SGCD: variants seen among roughly 807,000 people sequenced by gnomAD.
The protein encoded by SGCD is sarcoglycan delta, also known as delta-sarcoglycan.
SGCD carries 18 observed loss-of-function variants against 36.6 expected under a neutral mutation model. That is an observed-to-expected ratio of 0.49 (90% CI 0.34 to 0.73). The LOEUF (loss-of-function observed/expected upper bound fraction) is 0.73, where lower values mean the gene tolerates loss of function less well. Ranked by LOEUF, SGCD falls within the 30% of genes least tolerant of loss-of-function variation. The pLI is 0.01. For missense variants in SGCD, 387 were observed against 346.7 expected, an observed-to-expected ratio of 1.12 and a Z score of -0.92; for synonymous variants, 133 against 130.6, an observed-to-expected ratio of 1.02 and a Z score of -0.12.
chr5:155,834,009 TG>T, the SGCD span, among the ~76,000 whole-genome samples: 1 of 152,242 alleles, frequency 6.6e-6, no homozygotes, highest in African/African-American at 2.4e-5. Context: ...GCTCATGGTG[TG>T]GCTATGGCCC....
intron 7 of SGCD, among the ~76,000 whole-genome samples, chr5:156,695,694 T>C (rs1054546985): frequency 1.4e-4 from 22 of 152,316 alleles, no homozygotes; most frequent in African/African-American, 5.3e-4. Context: ...CAAATTTCTG[T>C]AAACAGCAAG....
At chr5:156,758,179 G>A in intron 8 of SGCD, 1 of 166,358 alleles carries the variant, frequency 6.0e-6, no homozygotes, top group Non-Finnish European at 1.2e-5. Flanking sequence ...AGACTAGGCA[G>A]CAAGGGAATG....
the SGCD span, among the ~76,000 whole-genome samples, chr5:155,825,724 A>AT: frequency 3.7e-5 from 1 of 27,196 alleles, no homozygotes; most frequent in East Asian, 2.3e-3. Context: ...TGACTTTATT[A>AT]TTTGTTTTTT....
upstream of SGCD, among the ~76,000 whole-genome samples, chr5:155,869,132 A>G (rs1651566413): frequency 6.6e-6 from 1 of 152,170 alleles, no homozygotes; most frequent in South Asian, 2.1e-4. Flanking sequence ...TTATTCCATC[A>G]TATACTTTCA....
intron 3 of SGCD, among the ~76,000 whole-genome samples, chr5:156,496,966 G>A (rs1359809979): frequency 6.6e-6 from 1 of 152,130 alleles, no homozygotes; most frequent in Non-Finnish European, 1.5e-5. Flanking sequence ...TGACTGAGCA[G>A]CATGGATTGT....
the SGCD span, among the ~76,000 whole-genome samples, chr5:155,808,564 G>A: frequency 6.6e-6 from 1 of 152,148 alleles, no homozygotes; most frequent in Non-Finnish European, 1.5e-5. Context: ...AGATTGGATG[G>A]CATTGGGCAA....
chr5:156,465,186 C>T lies in SGCD; in HGVS notation c.193-43415C>T, dbSNP rs1754667815. ...TCTAGGATTCCCTCCAGGAAACCTC[C>T]TACCTACCTGTTACAGGTAAGGACC... is the stretch of plus-strand genomic sequence containing the variant. On this transcript the variant is annotated intron_variant, in intron 3 of 8. Coordinates refer to ENST00000337851, the MANE Select transcript of SGCD (RefSeq NM_000337.6). 3.3e-5 allele frequency among the ~76,000 whole-genome samples: 5 copies of T among 152,070 alleles called. No individual in the cohort carries two copies. In the South Asian group the frequency reaches 1.0e-3, roughly 32 times the overall value.
chr5:155,942,295 CATGT>C (rs561919666), intron 1 of SGCD, among the ~76,000 whole-genome samples: 3,636 of 146,948 alleles, frequency 0.025, 50 homozygotes, highest in African/African-American at 0.033. Context: ...TGTATGTACG[CATGT>C]ATGTATGTAT....
At chr5:155,987,198 A>G (rs941452230) in intron 1 of SGCD, among the ~76,000 whole-genome samples, 1 of 152,280 alleles carries the variant, frequency 6.6e-6, no homozygotes, top group South Asian at 2.1e-4. Flanking sequence ...GCATTAATTA[A>G]TACACTTTTT....
chr5:156,413,906 G>A (rs1772897981), intron 3 of SGCD, among the ~76,000 whole-genome samples: 1 of 152,070 alleles, frequency 6.6e-6, no homozygotes, highest in African/African-American at 2.4e-5. Context: ...TGGAGATGGA[G>A]GACACAGTAC....
chr5:155,819,065 G>T, the SGCD span, among the ~76,000 whole-genome samples: 6 of 152,240 alleles, frequency 3.9e-5, 1 homozygote, highest in East Asian at 1.2e-3. Flanking sequence ...TATAGTCACA[G>T]CATACTGGGT....
intron 1 of SGCD, among the ~76,000 whole-genome samples, chr5:155,978,232 A>T (rs1758159892): frequency 6.6e-6 from 1 of 152,218 alleles, no homozygotes; most frequent in African/African-American, 2.4e-5. Flanking sequence ...TTGTTCCAAA[A>T]TTTTATTTTA....
At chr5:156,194,625 T>G (rs1275690974) in intron 3 of SGCD, among the ~76,000 whole-genome samples, 1 of 152,040 alleles carries the variant, frequency 6.6e-6, no homozygotes, top group Admixed American at 6.6e-5. Flanking sequence ...GAATTTGAAT[T>G]GATTAATATA....
chr5:156,694,263 A>G (rs1419929944), intron 7 of SGCD, among the ~76,000 whole-genome samples: 1 of 152,186 alleles, frequency 6.6e-6, no homozygotes, highest in Non-Finnish European at 1.5e-5. Flanking sequence ...TGACTCCTGG[A>G]TCTGGGAGTT....
chr5:156,383,364 C>T (rs1276561686), intron 3 of SGCD, among the ~76,000 whole-genome samples: 3 of 151,958 alleles, frequency 2.0e-5, no homozygotes, highest in Admixed American at 6.6e-5. Context: ...ATTACCCGGG[C>T]GTGCAGCATG....
intron 1 of SGCD, among the ~76,000 whole-genome samples, chr5:156,111,980 A>G (rs1176700561): frequency 1.3e-5 from 2 of 152,120 alleles, no homozygotes; most frequent in South Asian, 2.1e-4. Flanking sequence ...GGGTTTCACC[A>G]TGTTAGCCAG....
At chr5:156,267,219 T>A (rs1766024662) in intron 3 of SGCD, among the ~76,000 whole-genome samples, 1 of 152,224 alleles carries the variant, frequency 6.6e-6, no homozygotes, top group Admixed American at 6.5e-5. Context: ...TAGTTTCCAC[T>A]GTGTCACATT....
intron 1 of SGCD, among the ~76,000 whole-genome samples, chr5:155,947,565 G>T (rs1561659621): frequency 1.3e-5 from 2 of 152,044 alleles, no homozygotes; most frequent in Non-Finnish European, 2.9e-5. Flanking sequence ...TCTCGAGCAG[G>T]TTACTTGACT....
intron 3 of SGCD, among the ~76,000 whole-genome samples, chr5:156,405,790 C>T (rs1334292300): frequency 6.6e-6 from 1 of 152,098 alleles, no homozygotes; most frequent in Non-Finnish European, 1.5e-5. Flanking sequence ...TCTTGCCTCC[C>T]TGGCTATAGG....
Sources: gnomAD v4.1 joint callset for allele counts (sites outside exome capture counted in the v4.1 genomes callset) on GRCh38, gnomAD v4.1.1 for gene constraint, MANE v1.5 for transcripts, NCBI Gene and HGNC (gene_info 2026-07-23, HGNC 2026-07-21) for gene names.